Variants in RABGEF1 observed in about 807,000 individuals in gnomAD.
RABGEF1 encodes the protein rab5 GDP/GTP exchange factor.
A neutral mutation model predicts 57.3 loss-of-function variants in RABGEF1; 26 were observed. The ratio of observed to expected loss-of-function variants is 0.45; its 90% confidence interval spans 0.33 to 0.63. The LOEUF (loss-of-function observed/expected upper bound fraction) is 0.63. Ranked by LOEUF, RABGEF1 falls within the 20% of genes least tolerant of loss-of-function variation. The pLI is 0.02. For synonymous variants in RABGEF1, 185 were observed against 210.7 expected (o/e 0.88, Z 1.06); for missense variants, 464 against 607.6 (o/e 0.76, Z 2.48).
chr7:66,656,564 G>C, the RABGEF1 span, among the ~76,000 whole-genome samples: 19 of 152,144 alleles, frequency 1.2e-4, no homozygotes, highest in African/African-American at 4.6e-4. Flanking sequence ...GCTCATGCCT[G>C]TAATCCCAGC....
At chr7:66,684,286 A>T (rs1403403492) in intron 1 of RABGEF1, among the ~76,000 whole-genome samples, 1 of 152,088 alleles carries the variant, frequency 6.6e-6, no homozygotes, top group Non-Finnish European at 1.5e-5. Context: ...TCTACTAAAA[A>T]CACAAAAATT....
chr7:66,747,878 T>TA (rs1800605124), intron 1 of RABGEF1, among the ~76,000 whole-genome samples: 1 of 152,134 alleles, frequency 6.6e-6, no homozygotes, highest in South Asian at 2.1e-4. Context: ...TGTAATGACT[T>TA]ACAAAGATAC....
At chr7:66,805,476 C>T (rs1268203590) in intron 8 of RABGEF1, 80 bp downstream of exon 8, 18 of 1,568,994 alleles carry the variant, frequency 1.1e-5, no homozygotes, top group Non-Finnish European at 1.5e-5. Context: ...CACTTAGGCC[C>T]GTGACAGGTG....
At chr7:66,779,162 A>T (rs1402387629) in intron 3 of RABGEF1, among the ~76,000 whole-genome samples, 1 of 152,014 alleles carries the variant, frequency 6.6e-6, no homozygotes, top group East Asian at 1.9e-4. Flanking sequence ...CAATAAATGA[A>T]GTATAACTGA....
intron 2 of RABGEF1, among the ~76,000 whole-genome samples, chr7:66,720,201 T>C (rs1283750574): frequency 6.9e-6 from 1 of 145,146 alleles, no homozygotes; most frequent in Non-Finnish European, 1.5e-5. Context: ...ATTATTTTTT[T>C]TTTTTTTTCT....
At chr7:66,657,151 T>G in the RABGEF1 span, among the ~76,000 whole-genome samples, 1 of 152,178 alleles carries the variant, frequency 6.6e-6, no homozygotes, top group Non-Finnish European at 1.5e-5. Flanking sequence ...TTAGATCTAA[T>G]GGTCATATGC....
intron 1 of RABGEF1, among the ~76,000 whole-genome samples, chr7:66,759,892 C>G (rs554060091): frequency 1.6e-4 from 24 of 152,322 alleles, no homozygotes; most frequent in Non-Finnish European, 2.6e-4. Flanking sequence ...CATATAGTCC[C>G]TTTAAAACTG....
At chr7:66,667,557 C>G in the RABGEF1 span, 1 of 152,398 alleles carries the variant, frequency 6.6e-6, no homozygotes, top group African/African-American at 2.4e-5. Context: ...AGCCCTGACA[C>G]TGACAGGCTG....
intron 7 of RABGEF1, among the ~76,000 whole-genome samples, chr7:66,804,676 A>C (rs1176574282): frequency 6.6e-6 from 1 of 151,272 alleles, no homozygotes; most frequent in Non-Finnish European, 1.5e-5. Flanking sequence ...CGGAGGTTGC[A>C]GTGAGCAGAG....
intron 2 of RABGEF1, among the ~76,000 whole-genome samples, chr7:66,735,597 G>T (rs546792718): frequency 4.6e-5 from 7 of 151,216 alleles, no homozygotes; most frequent in African/African-American, 7.3e-5. Context: ...GGATCATTGT[G>T]GGGGGGGTTT....
intron 2 of RABGEF1, among the ~76,000 whole-genome samples, chr7:66,721,484 A>C (rs1409436621): frequency 6.6e-6 from 1 of 152,130 alleles, no homozygotes; most frequent in African/African-American, 2.4e-5. Context: ...TCCTTGGCTC[A>C]TGGCCTCTTC....
intron 2 of RABGEF1, among the ~76,000 whole-genome samples, chr7:66,729,582 CCTT>C (rs1370904982): frequency 6.6e-6 from 1 of 152,098 alleles, no homozygotes; most frequent in Admixed American, 6.6e-5. Context: ...TCACTTCCAT[CCTT>C]ACTTCCACCT....
intron 1 of RABGEF1, among the ~76,000 whole-genome samples, chr7:66,758,049 T>A (rs1803227554): frequency 6.6e-6 from 1 of 152,288 alleles, no homozygotes; most frequent in South Asian, 2.1e-4. Flanking sequence ...GGTCAAAGGA[T>A]ACCTTATCGT....
rs1274709123 is a variant in RABGEF1, at chr7:66,811,096, T to C, written c.*1812T>C. The C allele has an allele frequency of 6.6e-6, 1 of 152,208 alleles. No homozygotes were observed. Among genetic ancestry groups the C allele is most frequent in the Non-Finnish European group, 1.5e-5 (1 of 68,042 alleles). The allele number at this position is 152,208 out of a possible 1,614,324, so 9.4% of individuals were successfully genotyped here. A position where few individuals can be genotyped will look rare whatever the true frequency, so the allele number is the denominator to read the frequency against. On this transcript the variant is annotated 3_prime_UTR_variant, in exon 9 of 9. Transcript: ENST00000284957. The stretch of plus-strand genomic sequence containing the variant: ...TTTTCTATGTGCTTTTAGGTGTGAA[T>C]CCAGATATGCGGTCTTAATTCCTTT...
the RABGEF1 span, chr7:66,654,665 C>G: frequency 1.3e-5 from 2 of 152,500 alleles, no homozygotes; most frequent in Non-Finnish European, 2.9e-5. Context: ...CGTCGCGGCT[C>G]TCAGCTACGG....
intron 1 of RABGEF1, among the ~76,000 whole-genome samples, chr7:66,749,506 CAAAA>C (rs907841588): frequency 1.1e-4 from 17 of 152,194 alleles, no homozygotes; most frequent in Admixed American, 3.3e-4. Flanking sequence ...AGTGTAAAAA[CAAAA>C]AACAGAACTT....
intron 2 of RABGEF1, among the ~76,000 whole-genome samples, chr7:66,716,071 C>T (rs1373882234): frequency 1.3e-5 from 2 of 152,116 alleles, no homozygotes; most frequent in African/African-American, 4.8e-5. Context: ...GTCTATTTCT[C>T]CTCAAGTTCT....
intron 3 of RABGEF1, among the ~76,000 whole-genome samples, chr7:66,783,093 T>C (rs1410269882): frequency 8.5e-5 from 13 of 152,248 alleles, no homozygotes; most frequent in Admixed American, 8.5e-4. Flanking sequence ...CTTCATTGTA[T>C]GCTTTGTTGT....
At chr7:66,681,793 C>G (rs573275766), upstream of RABGEF1, among the ~76,000 whole-genome samples, 1 of 152,320 alleles carries the variant, frequency 6.6e-6, no homozygotes, top group East Asian at 1.9e-4. Context: ...TGGCTCCGCT[C>G]CACCTCCCAT....
Sources: gnomAD v4.1 joint callset for allele counts (sites outside exome capture counted in the v4.1 genomes callset) on GRCh38, gnomAD v4.1.1 for gene constraint, MANE v1.5 for transcripts, NCBI Gene and HGNC (gene_info 2026-07-23, HGNC 2026-07-21) for gene names.